NCAPG2: variants seen among roughly 807,000 people sequenced by gnomAD.
The protein encoded by NCAPG2 is condensin-2 complex subunit G2.
NCAPG2 carries 53 observed loss-of-function variants against 141.1 expected under a neutral mutation model. The ratio of observed to expected loss-of-function variants is 0.38; its 90% confidence interval spans 0.30 to 0.47. NCAPG2 has a LOEUF of 0.47. NCAPG2 is among the 20% of genes least tolerant of loss of function. The pLI, the probability that NCAPG2 is intolerant of heterozygous loss-of-function variation, is 0.99. For missense variants in NCAPG2, 1,087 were observed against 1,389.0 expected, an observed-to-expected ratio of 0.78 and a Z score of 3.46; for synonymous variants, 499 against 490.7, an observed-to-expected ratio of 1.02 and a Z score of -0.22.
intron 24 of NCAPG2, 133 bp from the exon 25 acceptor site, chr7:158,646,696 T>C (rs561599860): frequency 3.3e-6 from 2 of 604,536 alleles, no homozygotes; most frequent in East Asian, 3.3e-5. Flanking sequence ...TTATTAACTG[T>C]TGAAATGTCT....
intron 4 of NCAPG2, among the ~76,000 whole-genome samples, chr7:158,691,323 C>A (rs1835105644): frequency 6.6e-6 from 1 of 152,164 alleles, no homozygotes; most frequent in Admixed American, 6.5e-5. Flanking sequence ...AAGTTGATAG[C>A]AACTACAGTG....
intron 12 of NCAPG2, among the ~76,000 whole-genome samples, chr7:158,673,326 A>G (rs904762725): frequency 3.9e-5 from 6 of 152,170 alleles, no homozygotes; most frequent in African/African-American, 1.4e-4. Context: ...GGTTGCTATG[A>G]CGTACAACCA....
At chr7:158,644,203 G>T in intron 27 of NCAPG2, 86 bp downstream of exon 27, 2 of 1,142,752 alleles carry the variant, frequency 1.8e-6, no homozygotes, top group African/African-American at 1.5e-5. Context: ...GGTGTAAGTA[G>T]CAGAAATGAA....
In NCAPG2 at chr7:158,650,873, T is replaced by C. The variant is rs761468641; in HGVS notation, c.3034A>G (p.Ile1012Val). The C allele has an allele frequency of 1.9e-6, 3 of 1,613,766 alleles. No homozygotes were observed. In the Admixed American group the frequency reaches 5.0e-5, roughly 27 times the overall value. ...PVHRGVLSTL[I>V]AGPVVEISHQ... is the part of the protein sequence containing the mutation. The stretch of plus-strand genomic sequence containing the variant: ...CTTATCTCAACCACAGGCCCAGCGA[T>C]CAGAGTAGAAAGTACACCCCGGTGC... Residue 1012 changes from isoleucine (I) to valine (V), a missense_variant, in exon 24 of 28, where the codon ATC becomes GTC. Ile to Val is a conservative substitution (Grantham distance 29). Transcript: ENST00000356309.
chr7:158,641,578 A>G, intron 27 of NCAPG2: 1 of 620,284 alleles, frequency 1.6e-6, no homozygotes, highest in Non-Finnish European at 2.8e-6. Context: ...AAAAAAAGGA[A>G]ATGAATAAAA....
intron 6 of NCAPG2, among the ~76,000 whole-genome samples, chr7:158,688,947 G>A (rs1444004681): frequency 1.3e-5 from 2 of 152,122 alleles, no homozygotes; most frequent in Non-Finnish European, 2.9e-5. Flanking sequence ...CTTCAGGGAG[G>A]AGGGATGACT....
At chr7:158,684,647 G>A (rs1834643812) in intron 8 of NCAPG2, among the ~76,000 whole-genome samples, 1 of 152,230 alleles carries the variant, frequency 6.6e-6, no homozygotes. Flanking sequence ...AGGGCAGAGA[G>A]GAATGGAGTG....
At chr7:158,671,393 A>G (rs1347979138) in intron 13 of NCAPG2, 121 bp downstream of exon 13, 13 of 1,206,138 alleles carry the variant, frequency 1.1e-5, no homozygotes, top group African/African-American at 1.5e-5. Flanking sequence ...TTTGACAGAG[A>G]TAACTGGTCA....
At chr7:158,687,152 T>G (rs1053040045) in intron 7 of NCAPG2, among the ~76,000 whole-genome samples, 196 bp downstream of exon 7, 2 of 152,214 alleles carry the variant, frequency 1.3e-5, no homozygotes, top group African/African-American at 4.8e-5. Context: ...ATTAAAACCT[T>G]AATTTCAGTG....
At chr7:158,667,254 G>A in intron 13 of NCAPG2, 2 of 982,620 alleles carry the variant, frequency 2.0e-6, no homozygotes, top group Non-Finnish European at 2.4e-6. Context: ...TGGTGGGCCA[G>A]AGACCCTGTG....
intron 22 of NCAPG2, among the ~76,000 whole-genome samples, chr7:158,653,106 C>A (rs781100190): frequency 1.3e-5 from 2 of 152,046 alleles, no homozygotes; most frequent in South Asian, 4.1e-4. Context: ...TGGTGGCTCA[C>A]GCCTGTAATC....
chr7:158,690,551 AT>A lies in NCAPG2; in HGVS notation c.537+16del. On this transcript the variant is annotated intron_variant, in intron 5 of 27. Transcript: ENST00000356309. ...AGAGAGAGACCCTGTCTTTAAAAAA[AT>A]AAAAAGTGAGCATACTGTCTTAGTC... The A allele has an allele frequency of 6.2e-7, 1 of 1,610,570 alleles. No homozygotes were observed. The highest frequency in any genetic ancestry group is 1.3e-5 in the African/African-American group (1 of 74,920).
chr7:158,691,337 G>T (rs1835106711), intron 4 of NCAPG2, among the ~76,000 whole-genome samples: 1 of 152,198 alleles, frequency 6.6e-6, no homozygotes, highest in African/African-American at 2.4e-5. Context: ...TACAGTGTTA[G>T]CACTAATCAT....
In NCAPG2 at chr7:158,688,686, G is replaced by A. The variant is rs574564545; in HGVS notation, c.672+1133C>T. 3.9e-5 allele frequency among the ~76,000 whole-genome samples: 6 copies of A among 152,306 alleles called. No homozygotes were observed. The South Asian group carries it at 6.2e-4, about 16-fold the overall frequency. On this transcript the variant is annotated intron_variant, in intron 6 of 27. Transcript: ENST00000356309. Reference sequence around the variant, plus strand: ...ACAACAATCCTGTGAAACAGTAACTGTTGCTCCTATTTTACAGAACAAAAC... The same window carrying A: ...ACAACAATCCTGTGAAACAGTAACTATTGCTCCTATTTTACAGAACAAAAC...
intron 13 of NCAPG2, chr7:158,668,619 T>A: frequency 5.9e-6 from 1 of 169,404 alleles, no homozygotes; most frequent in Non-Finnish European, 1.2e-5. Context: ...GGGTGATGGG[T>A]GTATCTAATT....
intron 11 of NCAPG2, among the ~76,000 whole-genome samples, chr7:158,678,214 C>T (rs999449859): frequency 1.1e-4 from 16 of 151,886 alleles, no homozygotes; most frequent in African/African-American, 3.4e-4. Flanking sequence ...AGGAAATAAC[C>T]ACTGCTCTTA....
At chr7:158,650,778 C>G in intron 24 of NCAPG2, 54 bp downstream of exon 24, 1 of 1,545,218 alleles carries the variant, frequency 6.5e-7, no homozygotes. Flanking sequence ...AGTAGAAACA[C>G]CATCTTGTGT....
chr7:158,632,422 T>C (rs1171281494), intron 27 of NCAPG2, among the ~76,000 whole-genome samples: 6 of 152,188 alleles, frequency 3.9e-5, no homozygotes, highest in Non-Finnish European at 8.8e-5. Context: ...CTTTTTACTG[T>C]CCCACAACTC....
chr7:158,662,654 T>C (rs1224001012), intron 15 of NCAPG2, among the ~76,000 whole-genome samples: 1 of 152,220 alleles, frequency 6.6e-6, no homozygotes, highest in Non-Finnish European at 1.5e-5. Flanking sequence ...TCTGGGAACA[T>C]AACACCCTAT....
Sources: allele counts gnomAD v4.1 joint callset (sites outside exome capture counted in the v4.1 genomes callset), GRCh38; gene constraint gnomAD v4.1.1; transcripts MANE v1.5; gene names NCBI Gene and HGNC (gene_info 2026-07-23, HGNC 2026-07-21).